The following CEP63 variants were observed in gnomAD, a reference collection of about 807,000 sequenced individuals.
CEP63 encodes the protein centrosomal protein of 63 kDa.
Under a neutral mutation model 89.1 loss-of-function variants are expected in CEP63, and 84 were observed. The observed-to-expected ratio is 0.94, with a 90% CI of 0.79 to 1.13. The LOEUF (loss-of-function observed/expected upper bound fraction) is 1.13, where lower values mean the gene tolerates loss of function less well. Among genes scored for constraint, CEP63 ranks in the 50% most tolerant of loss-of-function variants. The pLI is 0.00. For synonymous variants in CEP63, 267 were observed against 272.5 expected, an observed-to-expected ratio of 0.98 and a Z score of 0.20; for missense variants, 838 against 813.3, an observed-to-expected ratio of 1.03 and a Z score of -0.37.
At chr3:134,690,562 G>A in the CEP63 span, among the ~76,000 whole-genome samples, 1 of 152,144 alleles carries the variant, frequency 6.6e-6, no homozygotes, top group South Asian at 2.1e-4. Context: ...TTAACTGACT[G>A]GAGATTTATC....
intron 2 of CEP63, among the ~76,000 whole-genome samples, chr3:134,501,295 G>A (rs917899409): frequency 6.6e-6 from 1 of 152,100 alleles, no homozygotes; most frequent in East Asian, 1.9e-4. Context: ...TTCTTGCATA[G>A]GGTTGCTTTG....
At chr3:134,510,384 C>T (rs1315150662) in intron 3 of CEP63, 13 of 188,460 alleles carry the variant, frequency 6.9e-5, no homozygotes, top group Admixed American at 6.2e-5. Flanking sequence ...CATAGTCTAA[C>T]ACCTGCAATC....
chr3:134,688,523 A>G, the CEP63 span, among the ~76,000 whole-genome samples: 1 of 152,226 alleles, frequency 6.6e-6, no homozygotes, highest in Non-Finnish European at 1.5e-5. Context: ...ACTTTATGGT[A>G]CATAAACTGT....
chr3:134,544,745 A>G (rs916024912), intron 6 of CEP63, among the ~76,000 whole-genome samples: 6 of 152,178 alleles, frequency 3.9e-5, no homozygotes, highest in African/African-American at 1.4e-4. Flanking sequence ...TGTTTTAAAT[A>G]GGAAATAATT....
intron 12 of CEP63, chr3:134,553,525 C>G: frequency 6.6e-6 from 1 of 151,970 alleles, no homozygotes; most frequent in East Asian, 1.9e-4. Flanking sequence ...ATAGATACCT[C>G]ACAGAATTAA....
chr3:134,658,513 C>T, the CEP63 span, among the ~76,000 whole-genome samples: 4 of 152,130 alleles, frequency 2.6e-5, no homozygotes, highest in Non-Finnish European at 4.4e-5. Flanking sequence ...CCTGAATCCC[C>T]CAACACTTTG....
chr3:134,490,937 G>A (rs376490033), intron 1 of CEP63, among the ~76,000 whole-genome samples: 12 of 152,184 alleles, frequency 7.9e-5, no homozygotes, highest in African/African-American at 2.9e-4. Context: ...TTACAGTTTC[G>A]TAGTACTCCA....
the CEP63 span, among the ~76,000 whole-genome samples, chr3:134,711,256 A>C: frequency 6.6e-6 from 1 of 152,140 alleles, no homozygotes; most frequent in Non-Finnish European, 1.5e-5. Flanking sequence ...AGAGTTGGGA[A>C]GTGGGGATTA....
chr3:134,610,071 G>T, the CEP63 span: 1 of 1,027,306 alleles, frequency 9.7e-7, no homozygotes, highest in South Asian at 1.5e-5. Context: ...GGAGGAGTGG[G>T]CATGGGGCCT....
At chr3:134,694,823 A>C in the CEP63 span, among the ~76,000 whole-genome samples, 1 of 152,202 alleles carries the variant, frequency 6.6e-6, no homozygotes, top group Non-Finnish European at 1.5e-5. Flanking sequence ...TCAGCATGTC[A>C]GGCAAATTAG....
the CEP63 span, among the ~76,000 whole-genome samples, chr3:134,746,317 A>G: frequency 1.4e-3 from 220 of 152,220 alleles, no homozygotes; most frequent in African/African-American, 4.2e-3. Flanking sequence ...AATCCAGTCT[A>G]TCATTGATGG....
At chr3:134,772,375 G>GTA in the CEP63 span, among the ~76,000 whole-genome samples, 1 of 152,142 alleles carries the variant, frequency 6.6e-6, no homozygotes, top group South Asian at 2.1e-4. Flanking sequence ...GGCCATAATG[G>GTA]GAGACTATAA....
At chr3:134,569,887 G>T (rs1423489076), downstream of CEP63, among the ~76,000 whole-genome samples, 1 of 152,208 alleles carries the variant, frequency 6.6e-6, no homozygotes, top group African/African-American at 2.4e-5. Flanking sequence ...TGAAATCTAG[G>T]TGGAGGTTCC....
At chr3:134,534,175 A>G (rs564778279) in intron 5 of CEP63, among the ~76,000 whole-genome samples, 3 of 152,306 alleles carry the variant, frequency 2.0e-5, no homozygotes, top group Non-Finnish European at 4.4e-5. Context: ...CTCACTGTCA[A>G]TTCTCTCTGA....
intron 3 of CEP63, among the ~76,000 whole-genome samples, chr3:134,516,198 A>G (rs2108640866): frequency 6.6e-6 from 1 of 152,268 alleles, no homozygotes; most frequent in East Asian, 1.9e-4. Context: ...CATGTGAACA[A>G]AGGTCTCTGC....
the CEP63 span, among the ~76,000 whole-genome samples, chr3:134,593,845 A>G: frequency 1.3e-5 from 2 of 152,218 alleles, no homozygotes; most frequent in Non-Finnish European, 2.9e-5. Context: ...ATGCCCTCCC[A>G]CAATCAGGTT....
intron 6 of CEP63, among the ~76,000 whole-genome samples, chr3:134,545,244 A>G (rs867767011): frequency 6.6e-6 from 1 of 151,960 alleles, no homozygotes; most frequent in Non-Finnish European, 1.5e-5. Flanking sequence ...TGATCCGCCC[A>G]CCTCAGCCTC....
At chr3:134,671,463 G>A in the CEP63 span, among the ~76,000 whole-genome samples, 4 of 152,304 alleles carry the variant, frequency 2.6e-5, no homozygotes, top group African/African-American at 7.2e-5. Context: ...TAACAAATGT[G>A]CACATGTATG....
chr3:134,535,229 A>G (rs1266197436), intron 5 of CEP63: 4 of 152,066 alleles, frequency 2.6e-5, no homozygotes, highest in Admixed American at 2.6e-4. Context: ...TCTTGTACCC[A>G]CTCAATAAGG....
Sources: gnomAD v4.1 joint callset for allele counts (sites outside exome capture counted in the v4.1 genomes callset) on GRCh38, gnomAD v4.1.1 for gene constraint, MANE v1.5 for transcripts, NCBI Gene and HGNC (gene_info 2026-07-23, HGNC 2026-07-21) for gene names.